HSPG2: variants seen among roughly 807,000 people sequenced by gnomAD.
HSPG2 encodes basement membrane-specific heparan sulfate proteoglycan core protein.
HSPG2 carries 278 observed loss-of-function variants against 526.6 expected under a neutral mutation model. The observed-to-expected ratio is 0.53, with a 90% CI of 0.48 to 0.58. HSPG2 has a LOEUF of 0.58. HSPG2 is among the 20% of genes least tolerant of loss of function. HSPG2 has a pLI of 0.00. For missense variants in HSPG2, 5,354 were observed against 6,099.5 expected (o/e 0.88, Z 4.07); for synonymous variants, 2,465 against 2,555.4 (o/e 0.96, Z 1.07).
intron 1 of HSPG2, among the ~76,000 whole-genome samples, chr1:21,927,122 T>C (rs1257731541): frequency 6.6e-6 from 1 of 152,036 alleles, no homozygotes; most frequent in Non-Finnish European, 1.5e-5. Flanking sequence ...TGGAGAAGCA[T>C]CTGTGGAGTG....
intron 86 of HSPG2, 61 bp downstream of exon 86, chr1:21,829,932 C>T: frequency 1.4e-6 from 2 of 1,394,362 alleles, no homozygotes; most frequent in Non-Finnish European, 2.0e-6. Context: ...CTCAGAGTGC[C>T]CCACCCAGCC....
chr1:21,855,388 G>A lies in HSPG2; in HGVS notation c.5913C>T (p.Arg1971=), dbSNP rs896647347. 6 of 1,612,862 alleles carry A rather than the reference G, an allele frequency of 3.7e-6. No homozygotes were observed. The highest frequency in any genetic ancestry group is 2.7e-5 in the African/African-American group (2 of 74,924). Residue 1971 remains arginine (R), a synonymous_variant, in exon 47 of 97, where the codon CGC becomes CGT. Coordinates refer to ENST00000374695, the MANE Select transcript of HSPG2 (RefSeq NM_005529.7). ...SPERTQVHAG[R]TVRLYCRAAG... The stretch of plus-strand genomic sequence containing the variant: ...CAGCCCTGCAGTACAGCCTGACGGT[G>A]CGGCCTGCGTGGACCTGGGTCCTCT...
chr1:21,868,431 G>T (rs1640404417), intron 33 of HSPG2, among the ~76,000 whole-genome samples: 1 of 152,198 alleles, frequency 6.6e-6, no homozygotes, highest in African/African-American at 2.4e-5. Flanking sequence ...CACTCATGAT[G>T]ATAATAATAA....
At chr1:21,867,364 T>C (rs1393453374) in intron 33 of HSPG2, among the ~76,000 whole-genome samples, 2 of 151,886 alleles carry the variant, frequency 1.3e-5, no homozygotes, top group African/African-American at 4.8e-5. Context: ...GGATTATAGG[T>C]GTGAGCCATT....
At position 21,833,086 on chromosome 1, in the gene HSPG2, G is replaced by A. The variant is rs779764202; in HGVS notation, c.11095+182C>T. 8 of 668,504 alleles carry A rather than the reference G, an allele frequency of 1.2e-5. 1 individual carries two copies. The highest frequency in any genetic ancestry group is 7.7e-4 in the Middle Eastern group (2 of 2,614). The allele number at this position is 668,504 out of a possible 1,614,324, so 41.4% of individuals were successfully genotyped here. On this transcript the variant is annotated intron_variant, in intron 80 of 96. Transcript: ENST00000374695. ...TCACAGAGGCAGGGATGGAGAAGCC[G>A]GGAGGCACAAGAGAAGGCACACCAG... is the stretch of plus-strand genomic sequence containing the variant.
At chr1:21,931,860 T>C (rs957345649) in intron 1 of HSPG2, among the ~76,000 whole-genome samples, 1 of 151,958 alleles carries the variant, frequency 6.6e-6, no homozygotes, top group Non-Finnish European at 1.5e-5. Flanking sequence ...CAGCGCAGGC[T>C]CCACACAGGA....
At chr1:21,916,515 A>AAAAT (rs1203049043) in intron 1 of HSPG2, among the ~76,000 whole-genome samples, 2 of 151,772 alleles carry the variant, frequency 1.3e-5, no homozygotes, top group African/African-American at 2.4e-5. Flanking sequence ...AAAAAAAATA[A>AAAAT]AAATAAATAA....
chr1:21,849,009 A>G lies in HSPG2; in HGVS notation c.7469T>C (p.Leu2490Pro). 1 of 1,613,998 alleles carries G rather than the reference A, an allele frequency of 6.2e-7. No individual in the cohort carries two copies. The highest frequency in any genetic ancestry group is 8.5e-7 in the Non-Finnish European group (1 of 1,180,018). The change falls in exon 58 of 97, where the codon CTG (leucine) becomes CCG (proline). Residue 2490 changes from leucine to proline, a missense_variant. Transcript: ENST00000374695. The part of the protein sequence containing the change: ...RHQVHGSRLR[L>P]LQVTPADSGE... Reference sequence around the variant, plus strand: ...TGAATCAGCTGGGGTCACCTGGAGCAGGCGTAGCCTCGAGCCATGCACCTG... The same window carrying G: ...TGAATCAGCTGGGGTCACCTGGAGCGGGCGTAGCCTCGAGCCATGCACCTG...
At chr1:21,862,796 C>T (rs1000284445) in intron 37 of HSPG2, among the ~76,000 whole-genome samples, 19 of 151,778 alleles carry the variant, frequency 1.3e-4, no homozygotes, top group East Asian at 1.9e-4. Flanking sequence ...TATTGTCAGC[C>T]GGGCACAGTG....
Position 21,895,888 on chromosome 1 carries a change from G to A in HSPG2, c.244+34C>T. ...GCTCTGGGGCTTCCCTGGGGGACAGGAGGGAGACCTGCAGGAGGCCTGCAG... is the reference window on the plus strand; with the variant it reads ...GCTCTGGGGCTTCCCTGGGGGACAGAAGGGAGACCTGCAGGAGGCCTGCAG... On this transcript the variant is annotated intron_variant, in intron 3 of 96. Transcript: ENST00000374695. The surrounding 1 kb of genome is among the most constrained non-coding windows in gnomAD (Gnocchi z 4.1). 10 of 1,609,194 alleles carry A rather than the reference G, an allele frequency of 6.2e-6. No homozygotes were observed. The highest frequency in any genetic ancestry group is 8.5e-6 in the Non-Finnish European group (10 of 1,175,926).
intron 37 of HSPG2, 54 bp from the exon 38 acceptor site, chr1:21,862,169 C>A (rs1300442376): frequency 1.9e-6 from 3 of 1,600,648 alleles, no homozygotes; most frequent in East Asian, 2.2e-5. Context: ...TTACCAGAAG[C>A]CTTTCAGGGT....
At chr1:21,854,823 C>T (rs1639207349) in intron 48 of HSPG2, 25 bp downstream of exon 48, 1 of 1,613,218 alleles carries the variant, frequency 6.2e-7, no homozygotes, top group Non-Finnish European at 8.5e-7. Flanking sequence ...CCCTCCCCAC[C>T]CCTCCATTCC....
Position 21,865,445 on chromosome 1 carries a change from C to T in HSPG2, c.4315-80G>A. ...GGGTGTCCTCCACCAGTCCTAGATT[C>T]TCTGTAACCCCCAGCCTCCCACCTC... On this transcript the variant is annotated intron_variant, in intron 34 of 96. Transcript: ENST00000374695. The surrounding 1 kb of genome is among the most constrained non-coding windows in gnomAD (Gnocchi z 5.4). The T allele has an allele frequency of 1.5e-6, 2 of 1,342,642 alleles. No homozygotes were observed. Among genetic ancestry groups the T allele is most frequent in the Non-Finnish European group, 1.1e-6 (1 of 935,854 alleles). 83.2% of individuals were successfully genotyped at this position (1,342,642 alleles called of 1,614,324 possible).
intron 1 of HSPG2, among the ~76,000 whole-genome samples, chr1:21,914,960 C>G (rs139974410): frequency 6.6e-6 from 1 of 152,214 alleles, no homozygotes; most frequent in Admixed American, 6.5e-5. Flanking sequence ...GCCACAGCCA[C>G]GGCCTCTGTC....
In HSPG2 at chr1:21,887,492, G is replaced by A; in HGVS notation, c.886C>T (p.His296Tyr). 2 of 1,614,048 alleles carry A rather than the reference G, an allele frequency of 1.2e-6. No homozygotes were observed. Among genetic ancestry groups the A allele is most frequent in the East Asian group, 2.2e-5 (1 of 44,872 alleles). Residue 296 changes from histidine (H) to tyrosine (Y), a missense_variant, in exon 8 of 97, where the codon CAC becomes TAC. By Grantham distance (83) the His-to-Tyr change is moderately conservative. Transcript: ENST00000374695. The surrounding 1 kb of genome is among the most constrained non-coding windows in gnomAD (Gnocchi z 5.0). ...CAGAGGTAGTCTCTGGGGATGCAGTGCCCATTGCGGCATGCGGCCTCCTGG... is the reference window on the plus strand; with the variant it reads ...CAGAGGTAGTCTCTGGGGATGCAGTACCCATTGCGGCATGCGGCCTCCTGG... Reference protein sequence around the residue: ...GPQEAACRNGHCIPRDYLCDG... With the variant: ...GPQEAACRNGYCIPRDYLCDG...
Position 21,834,901 on chromosome 1 carries a change from C to A in HSPG2, c.10498G>T (p.Val3500Leu), listed in dbSNP as rs143543800. The stretch of plus-strand genomic sequence containing the variant: ...AACTCCACGGCGTGGCCAACCACCA[C>A]GGTCTGCACAGAGGTCCGGATGTTG... ...LINIRTSVQTVVVGHAVEFEC... is the reference protein window; with the variant it reads ...LINIRTSVQTLVVGHAVEFEC... The change falls in exon 77 of 97, where the codon GTG (valine) becomes TTG (leucine). Residue 3500 changes from valine to leucine, a missense_variant. Val to Leu is a conservative substitution (Grantham distance 32, BLOSUM62 1). Coordinates refer to ENST00000374695, the MANE Select transcript of HSPG2 (RefSeq NM_005529.7). 3.1e-6 allele frequency: 5 copies of A among 1,613,402 alleles called. No individual in the cohort carries two copies. The highest frequency in any genetic ancestry group is 4.2e-6 in the Non-Finnish European group (5 of 1,179,668).
chr1:21,842,732 T>C (rs1013261797), intron 67 of HSPG2, 38 bp downstream of exon 67: 2 of 1,611,580 alleles, frequency 1.2e-6, no homozygotes, highest in African/African-American at 2.7e-5. Context: ...GGTCTAACCT[T>C]GCCTGACCTG....
intron 1 of HSPG2, among the ~76,000 whole-genome samples, chr1:21,933,742 T>G (rs1644408966): frequency 6.6e-6 from 1 of 152,224 alleles, no homozygotes; most frequent in Non-Finnish European, 1.5e-5. Flanking sequence ...CAGACAGACC[T>G]GCAGCCTGCC....
intron 74 of HSPG2, among the ~76,000 whole-genome samples, chr1:21,838,092 T>C (rs1358506406): frequency 7.6e-6 from 1 of 131,906 alleles, no homozygotes; most frequent in African/African-American, 2.9e-5. Flanking sequence ...ACCGAGATCA[T>C]GCCACTGCAC....
Sources: gnomAD v4.1 joint callset for allele counts (sites outside exome capture counted in the v4.1 genomes callset) on GRCh38, gnomAD v4.1.1 for gene constraint, Gnocchi (gnomAD v3.1) non-coding constraint, MANE v1.5 for transcripts, NCBI Gene and HGNC (gene_info 2026-07-23, HGNC 2026-07-21) for gene names.